Variants in R3HCC1L observed in about 807,000 individuals in gnomAD.
The protein encoded by R3HCC1L is coiled-coil domain-containing protein R3HCC1L.
R3HCC1L carries 51 observed loss-of-function variants against 59.9 expected under a neutral mutation model. The ratio of observed to expected loss-of-function variants is 0.85; its 90% confidence interval spans 0.68 to 1.07. The LOEUF (loss-of-function observed/expected upper bound fraction) is 1.07, where lower values mean the gene tolerates loss of function less well. Among genes scored for constraint, R3HCC1L ranks in the 50% least tolerant of loss-of-function variants. The pLI is 0.00. For synonymous variants in R3HCC1L, 322 were observed against 315.2 expected, an observed-to-expected ratio of 1.02 and a Z score of -0.23; for missense variants, 965 against 933.0, an observed-to-expected ratio of 1.03 and a Z score of -0.45.
At position 98,209,605 on chromosome 10, in the gene R3HCC1L, A is replaced by C; in HGVS notation, c.1491A>C (p.Thr497=). 6.2e-7 allele frequency: 1 copy of C among 1,614,066 alleles called. No homozygotes were observed. ...CTGAACTCAGTATGTTAAATGGGACAAAAGTTCTTTCAGACAGTGCCGTGG... is the reference window on the plus strand; with the variant it reads ...CTGAACTCAGTATGTTAAATGGGACCAAAGTTCTTTCAGACAGTGCCGTGG... ...LDSELSMLNG[T]KVLSDSAVGI... Residue 497 remains threonine, a synonymous_variant, in exon 5 of 10, where the codon ACA becomes ACC. Coordinates refer to ENST00000298999, the MANE Select transcript of R3HCC1L (RefSeq NM_001351015.2).
intron 5 of R3HCC1L, among the ~76,000 whole-genome samples, chr10:98,212,699 T>G (rs1853722639): frequency 6.6e-6 from 1 of 152,190 alleles, no homozygotes; most frequent in South Asian, 2.1e-4. Flanking sequence ...TAGAAAATAC[T>G]TTCATAGCCC....
chr10:98,136,307 A>G (rs977236519), intron 1 of R3HCC1L, among the ~76,000 whole-genome samples: 1 of 152,198 alleles, frequency 6.6e-6, no homozygotes, highest in African/African-American at 2.4e-5. Flanking sequence ...TTAGTGTACA[A>G]ATTCGAGCAA....
chr10:98,219,854 T>C (rs1854659689), intron 5 of R3HCC1L, among the ~76,000 whole-genome samples: 1 of 152,350 alleles, frequency 6.6e-6, no homozygotes, highest in Admixed American at 6.5e-5. Flanking sequence ...TAGTGTGCCT[T>C]GGAGAAGACA....
chr10:98,230,788 C>A (rs929458133), intron 5 of R3HCC1L, among the ~76,000 whole-genome samples: 16 of 152,226 alleles, frequency 1.1e-4, no homozygotes, highest in African/African-American at 3.9e-4. Context: ...ACTGTCATGG[C>A]TTTGCTGCCG....
At chr10:98,174,387 C>A (rs945684244) in intron 4 of R3HCC1L, 2 of 465,862 alleles carry the variant, frequency 4.3e-6, no homozygotes, top group Admixed American at 6.4e-5. Flanking sequence ...AGTATAAGAT[C>A]TAAAGTAATT....
Position 98,152,603 on chromosome 10 carries a change from G to A in R3HCC1L, c.-267-3490G>A, listed in dbSNP as rs1156689695. Among the ~76,000 whole-genome samples the A allele has an allele frequency of 2.4e-5, 3 of 126,332 alleles. 1 individual carries two copies. Among genetic ancestry groups the A allele is most frequent in the Non-Finnish European group, 3.6e-5 (2 of 56,000 alleles). 82.9% of individuals were successfully genotyped at this position (126,332 alleles called of 152,430 possible). ...AAGTGAGGAGCGTCTCTGCCCAGCC[G>A]CCCATAGTCTGAGATGCGGGGAGCG... On this transcript the variant is annotated intron_variant, in intron 1 of 9. Transcript: ENST00000298999.
chr10:98,182,751 G>T (rs1035925842), intron 4 of R3HCC1L, among the ~76,000 whole-genome samples: 1 of 152,134 alleles, frequency 6.6e-6, no homozygotes, highest in Non-Finnish European at 1.5e-5. Context: ...AATGGTGGAC[G>T]CCCCTCCCTG....
intron 4 of R3HCC1L, among the ~76,000 whole-genome samples, chr10:98,165,674 G>A (rs1056044158): frequency 1.3e-5 from 2 of 152,232 alleles, no homozygotes; most frequent in African/African-American, 4.8e-5. Context: ...TTCAGTATGA[G>A]AATAGTTATA....
intron 9 of R3HCC1L, among the ~76,000 whole-genome samples, chr10:98,239,376 T>A (rs531283031): frequency 6.6e-6 from 1 of 152,190 alleles, no homozygotes; most frequent in Admixed American, 6.5e-5. Flanking sequence ...AGAATTAGCA[T>A]GGGAATTGAA....
intron 4 of R3HCC1L, among the ~76,000 whole-genome samples, chr10:98,197,784 GTGTA>G (rs901674898): frequency 1.3e-5 from 2 of 152,154 alleles, no homozygotes; most frequent in Non-Finnish European, 2.9e-5. Context: ...TTTAATGAAA[GTGTA>G]TGTATGTAAA....
intron 4 of R3HCC1L, chr10:98,186,378 A>G (rs922453593): frequency 7.9e-6 from 4 of 507,392 alleles, no homozygotes; most frequent in Admixed American, 1.3e-4. Flanking sequence ...TGGAACAAAA[A>G]TAGCATACAA....
intron 4 of R3HCC1L, among the ~76,000 whole-genome samples, chr10:98,197,845 G>T (rs1285870071): frequency 1.3e-5 from 2 of 152,122 alleles, no homozygotes; most frequent in Non-Finnish European, 2.9e-5. Flanking sequence ...AGACTATCAA[G>T]GAGAGTCATA....
At chr10:98,235,572 C>G (rs1176252366) in intron 8 of R3HCC1L, 52 bp downstream of exon 8, 1 of 1,432,872 alleles carries the variant, frequency 7.0e-7, no homozygotes, top group Non-Finnish European at 9.6e-7. Context: ...TATTATTGTT[C>G]TTTCCAGAAG....
At chr10:98,201,914 T>C (rs1852090579) in intron 4 of R3HCC1L, among the ~76,000 whole-genome samples, 1 of 149,368 alleles carries the variant, frequency 6.7e-6, no homozygotes, top group African/African-American at 2.5e-5. Context: ...AGAGACGGGG[T>C]CTCACTACCT....
At chr10:98,223,526 T>C (rs1449677731) in intron 5 of R3HCC1L, among the ~76,000 whole-genome samples, 1 of 152,022 alleles carries the variant, frequency 6.6e-6, no homozygotes, top group African/African-American at 2.4e-5. Context: ...TTGGCTTTCA[T>C]AGGGAAAATA....
At chr10:98,143,782 C>G (rs1249316914) in intron 1 of R3HCC1L, among the ~76,000 whole-genome samples, 2 of 152,246 alleles carry the variant, frequency 1.3e-5, no homozygotes, top group East Asian at 3.9e-4. Flanking sequence ...ACATTATAAA[C>G]TATTCCAACC....
chr10:98,232,773 C>T (rs1418899251), intron 6 of R3HCC1L, among the ~76,000 whole-genome samples: 1 of 152,146 alleles, frequency 6.6e-6, no homozygotes, highest in East Asian at 1.9e-4. Flanking sequence ...GACAACTCTG[C>T]CATTGTTAAA....
chr10:98,234,430 T>C lies in R3HCC1L; in HGVS notation c.1962-16T>C, dbSNP rs1310255907. Reference sequence around the variant, plus strand: ...AATTTTATTTTAGGAAATAAAATTGTTTTTTTGTGTTGCAGAAAGAAAGGA... The same window carrying C: ...AATTTTATTTTAGGAAATAAAATTGCTTTTTTGTGTTGCAGAAAGAAAGGA... On this transcript the variant is annotated splice_polypyrimidine_tract_variant and intron_variant, in intron 6 of 9. Coordinates refer to ENST00000298999, the MANE Select transcript of R3HCC1L (RefSeq NM_001351015.2). The C allele has an allele frequency of 2.5e-6, 4 of 1,606,642 alleles. No individual in the cohort carries two copies. In the South Asian group the frequency reaches 4.4e-5, roughly 18 times the overall value.
chr10:98,179,459 G>A (rs1849397110), intron 4 of R3HCC1L, among the ~76,000 whole-genome samples: 2 of 152,156 alleles, frequency 1.3e-5, no homozygotes, highest in African/African-American at 2.4e-5. Context: ...GCTGGATTCG[G>A]TTTGCCGGGA....
Sources: gnomAD v4.1 joint callset for allele counts (sites outside exome capture counted in the v4.1 genomes callset) on GRCh38, gnomAD v4.1.1 for gene constraint, MANE v1.5 for transcripts, NCBI Gene and HGNC (gene_info 2026-07-23, HGNC 2026-07-21) for gene names.